ZPBP: variants seen among roughly 807,000 people sequenced by gnomAD.
ZPBP encodes zona pellucida binding protein.
In ZPBP, 26 loss-of-function variants were observed where a neutral mutation model predicts 44.8. That is an observed-to-expected ratio of 0.58 (90% CI 0.43 to 0.81). ZPBP has a LOEUF of 0.81. Ranked by LOEUF, ZPBP falls within the 30% of genes least tolerant of loss-of-function variation. ZPBP has a pLI of 0.00. For missense variants in ZPBP, 409 were observed against 434.0 expected (o/e 0.94, Z 0.51); for synonymous variants, 174 against 153.2 (o/e 1.14, Z -1.00).
chr7:49,852,767 G>A (rs1790233757), intron 2 of ZPBP, among the ~76,000 whole-genome samples: 1 of 152,194 alleles, frequency 6.6e-6, no homozygotes, highest in East Asian at 1.9e-4. Flanking sequence ...TCCAAACCCT[G>A]GTTCCTCCCT....
rs371900276 is a variant in ZPBP, at chr7:49,943,084, G to A, written c.962-5462C>T. 1.1e-4 allele frequency: 39 copies of A among 344,600 alleles called. No homozygotes were observed. The East Asian group carries it at 1.6e-3, about 14-fold the overall frequency. The allele number at this position is 344,600 out of a possible 1,614,324, so 21.3% of individuals were successfully genotyped here. ...CAAAGAAAGGAATCCAGCCCTCTCA[G>A]CCAGTCATTGAGGACTATCCACCCA... is the stretch of plus-strand genomic sequence containing the variant. On this transcript the variant is annotated intron_variant, in intron 7 of 7. Transcript: ENST00000046087.
chr7:49,879,501 T>G (rs1293110069), intron 2 of ZPBP, among the ~76,000 whole-genome samples: 1 of 152,136 alleles, frequency 6.6e-6, no homozygotes, highest in East Asian at 1.9e-4. Flanking sequence ...TATAATAGAA[T>G]GCAGAATCAC....
At chr7:50,051,418 CAAT>C (rs1584123633) in intron 4 of ZPBP, among the ~76,000 whole-genome samples, 1 of 152,144 alleles carries the variant, frequency 6.6e-6, no homozygotes, top group African/African-American at 2.4e-5. Context: ...TTTCACCCAG[CAAT>C]CCCATTACTG....
chr7:49,881,117 G>A (rs975585803), intron 2 of ZPBP, among the ~76,000 whole-genome samples: 10 of 152,150 alleles, frequency 6.6e-5, no homozygotes, highest in African/African-American at 2.2e-4. Flanking sequence ...CAGCCTGAGA[G>A]GCCAGGTTTG....
At chr7:50,073,662 A>G (rs912678064) in intron 3 of ZPBP, among the ~76,000 whole-genome samples, 3 of 152,118 alleles carry the variant, frequency 2.0e-5, no homozygotes, top group Non-Finnish European at 4.4e-5. Context: ...GCAGAAAGAA[A>G]AAACAAATAA....
intron 7 of ZPBP, among the ~76,000 whole-genome samples, chr7:49,956,435 T>C (rs1048824842): frequency 1.7e-4 from 26 of 152,028 alleles, no homozygotes; most frequent in Non-Finnish European, 3.7e-4. Context: ...AATATGTAAA[T>C]GTAGCAAAGT....
intron 6 of ZPBP, among the ~76,000 whole-genome samples, chr7:49,998,075 G>A (rs990559617): frequency 2.2e-4 from 34 of 151,956 alleles, no homozygotes; most frequent in Non-Finnish European, 4.0e-4. Flanking sequence ...ACGCCACCAC[G>A]CCCAGCTAAT....
chr7:49,911,923 GCACACA>G, intron 1 of ZPBP: 6 of 344,558 alleles, frequency 1.7e-5, no homozygotes, highest in Non-Finnish European at 2.8e-5. Flanking sequence ...ACAAATACAC[GCACACA>G]CACACACACA....
intron 1 of ZPBP, among the ~76,000 whole-genome samples, chr7:49,903,394 A>C (rs1408847529): frequency 6.6e-6 from 1 of 152,244 alleles, no homozygotes; most frequent in African/African-American, 2.4e-5. Flanking sequence ...CATGGAATAC[A>C]ACTTACCTGT....
At chr7:49,853,580 T>A (rs542021224) in intron 2 of ZPBP, among the ~76,000 whole-genome samples, 32 of 152,264 alleles carry the variant, frequency 2.1e-4, no homozygotes. Context: ...ATAATGAGAT[T>A]AAATGAAAGA....
intron 2 of ZPBP, among the ~76,000 whole-genome samples, chr7:49,885,740 T>A (rs1169842288): frequency 1.3e-5 from 2 of 152,160 alleles, no homozygotes; most frequent in African/African-American, 4.8e-5. Context: ...TGGGGCTAAT[T>A]TTAGATGCGG....
intron 3 of ZPBP, among the ~76,000 whole-genome samples, chr7:50,062,364 C>A (rs531547173): frequency 6.6e-6 from 1 of 152,134 alleles, no homozygotes; most frequent in East Asian, 1.9e-4. Flanking sequence ...CTGGAACAGC[C>A]AAAGTAATCC....
chr7:49,908,097 T>C (rs1397452226), intron 1 of ZPBP, among the ~76,000 whole-genome samples: 1 of 152,228 alleles, frequency 6.6e-6, no homozygotes, highest in Non-Finnish European at 1.5e-5. Flanking sequence ...CATCTATTTC[T>C]TTCAGGGACC....
At chr7:50,073,756 A>G (rs1801955588) in intron 3 of ZPBP, among the ~76,000 whole-genome samples, 2 of 152,146 alleles carry the variant, frequency 1.3e-5, no homozygotes. Flanking sequence ...TGACATATTT[A>G]AAGTGCTGAA....
rs769008384 is a variant in ZPBP at position 50,081,980 on chromosome 7, G to T, written c.209-81C>A. On this transcript the variant is annotated intron_variant, in intron 2 of 7. Transcript: ENST00000046087. ...TATAATGTACACTTTTGTAGTTTGGGTTACATGCAATAATAAGAGTACTTT... is the reference window on the plus strand; with the variant it reads ...TATAATGTACACTTTTGTAGTTTGGTTTACATGCAATAATAAGAGTACTTT... 1.0e-5 allele frequency: 15 copies of T among 1,506,426 alleles called. 1 individual carries two copies. The South Asian group carries it at 1.5e-4, about 15-fold the overall frequency. 93.3% of individuals were successfully genotyped at this position (1,506,426 alleles called of 1,614,324 possible).
At chr7:49,860,401 G>T (rs996742871) in intron 2 of ZPBP, among the ~76,000 whole-genome samples, 2 of 152,102 alleles carry the variant, frequency 1.3e-5, no homozygotes, top group African/African-American at 4.8e-5. Flanking sequence ...TGTTTTCAAG[G>T]TTCATCCAAC....
intron 4 of ZPBP, among the ~76,000 whole-genome samples, chr7:50,057,020 C>T (rs1463921343): frequency 2.0e-5 from 3 of 151,938 alleles, no homozygotes; most frequent in East Asian, 3.9e-4. Flanking sequence ...CCCATCTCTA[C>T]CAAAAATACA....
chr7:50,047,295 T>C (rs1301568400), intron 4 of ZPBP, among the ~76,000 whole-genome samples: 1 of 151,532 alleles, frequency 6.6e-6, no homozygotes, highest in African/African-American at 2.4e-5. Flanking sequence ...TAAACTATAA[T>C]TAAAAAAAAA....
chr7:50,048,237 C>T (rs1800486296), intron 4 of ZPBP, among the ~76,000 whole-genome samples: 2 of 152,024 alleles, frequency 1.3e-5, no homozygotes, highest in African/African-American at 4.8e-5. Context: ...TATAAACATA[C>T]AGATATTAAA....
Sources: gnomAD v4.1 joint callset for allele counts (sites outside exome capture counted in the v4.1 genomes callset) on GRCh38, gnomAD v4.1.1 for gene constraint, MANE v1.5 for transcripts, NCBI Gene and HGNC (gene_info 2026-07-23, HGNC 2026-07-21) for gene names.